The following MECOM variants were observed in gnomAD, a reference collection of about 807,000 sequenced individuals.
The protein encoded by MECOM is MDS1 and EVI1 complex locus.
Under a neutral mutation model 116.3 loss-of-function variants are expected in MECOM, and 13 were observed. The observed-to-expected ratio is 0.11, with a 90% CI of 0.07 to 0.18. MECOM has a LOEUF of 0.18. Among genes scored for constraint, MECOM ranks in the 10% least tolerant of loss-of-function variants. The pLI, the probability that MECOM is intolerant of heterozygous loss-of-function variation, is 1.00. For synonymous variants in MECOM, 528 were observed against 535.2 expected (o/e 0.99, Z 0.19); for missense variants, 1,299 against 1,509.0 (o/e 0.86, Z 2.31).
At chr3:169,213,583 G>A (rs2149480599) in intron 2 of MECOM, among the ~76,000 whole-genome samples, 1 of 152,208 alleles carries the variant, frequency 6.6e-6, no homozygotes, top group East Asian at 1.9e-4. Flanking sequence ...GCCTGAACCA[G>A]TTTTAAAGAT....
At chr3:169,156,280 G>A (rs540381275) in intron 2 of MECOM, among the ~76,000 whole-genome samples, 28 of 152,256 alleles carry the variant, frequency 1.8e-4, no homozygotes, top group Non-Finnish European at 3.2e-4. Context: ...TGGCTTATTC[G>A]ACCAGGCATC....
chr3:169,261,745 A>AGGAGAAGGAGAAAAG (rs1553783512), intron 2 of MECOM, among the ~76,000 whole-genome samples: 459 of 150,338 alleles, frequency 3.1e-3, no homozygotes, highest in African/African-American at 9.7e-3. Flanking sequence ...GAGAAGGAGA[A>AGGAGAAGGAGAAAAG]AAGAAGAAGA....
At chr3:169,568,709 G>A (rs1342867539) in intron 1 of MECOM, among the ~76,000 whole-genome samples, 1 of 152,150 alleles carries the variant, frequency 6.6e-6, no homozygotes, top group African/African-American at 2.4e-5. Context: ...AATAAAAGCA[G>A]CAGCCCCAGT....
At chr3:169,193,649 G>T (rs140227219) in intron 2 of MECOM, among the ~76,000 whole-genome samples, 1 of 151,770 alleles carries the variant, frequency 6.6e-6, no homozygotes, top group East Asian at 1.9e-4. Flanking sequence ...AACATTTAAA[G>T]AAAAAATATT....
At chr3:169,593,813 T>A (rs1766727653) in intron 1 of MECOM, among the ~76,000 whole-genome samples, 1 of 152,080 alleles carries the variant, frequency 6.6e-6, no homozygotes, top group Non-Finnish European at 1.5e-5. Context: ...ATTTGCTTAT[T>A]CTTCATTCAA....
At chr3:169,386,153 T>A (rs145890997) in intron 1 of MECOM, among the ~76,000 whole-genome samples, 158 of 152,302 alleles carry the variant, frequency 1.0e-3, no homozygotes, top group African/African-American at 3.6e-3. Flanking sequence ...TGTCTTTGAA[T>A]AACTACCATA....
chr3:169,467,739 G>A (rs2108769024), intron 1 of MECOM, among the ~76,000 whole-genome samples: 3 of 152,250 alleles, frequency 2.0e-5, no homozygotes, highest in Admixed American at 2.0e-4. Context: ...GAGGTTGTAA[G>A]TCTAGTTAAT....
intron 1 of MECOM, among the ~76,000 whole-genome samples, chr3:169,568,689 A>T (rs918764132): frequency 2.6e-5 from 4 of 152,218 alleles, no homozygotes; most frequent in African/African-American, 4.8e-5. Context: ...TCTGGGCAGA[A>T]CATCTCTGAA....
chr3:169,496,041 C>T (rs1167937050), intron 1 of MECOM, among the ~76,000 whole-genome samples: 1 of 152,186 alleles, frequency 6.6e-6, no homozygotes, highest in African/African-American at 2.4e-5. Context: ...CAAATGAGGA[C>T]ATGCAAAGCT....
At chr3:169,100,791 AATT>A (rs1391896185) in intron 12 of MECOM, 91 bp downstream of exon 12, 4 of 713,668 alleles carry the variant, frequency 5.6e-6, no homozygotes, top group Admixed American at 4.6e-5. Context: ...TTTAAACTTT[AATT>A]ATTATAAACT....
chr3:169,114,801 C>T (rs891749827), intron 8 of MECOM, among the ~76,000 whole-genome samples: 9 of 152,036 alleles, frequency 5.9e-5, no homozygotes, highest in Admixed American at 3.3e-4. Flanking sequence ...CAAAGGAAAC[C>T]GGATAATGAA....
chr3:169,223,279 TCCCCCC>T (rs1752342814), intron 2 of MECOM, among the ~76,000 whole-genome samples: 1 of 35,900 alleles, frequency 2.8e-5, no homozygotes, highest in East Asian at 1.2e-3. Flanking sequence ...CCCTCCCCCC[TCCCCCC>T]TCCCCCCACC....
chr3:169,399,373 C>G (rs187814489), intron 1 of MECOM, among the ~76,000 whole-genome samples: 1 of 152,174 alleles, frequency 6.6e-6, no homozygotes, highest in Non-Finnish European at 1.5e-5. Flanking sequence ...TCATTGCCAC[C>G]ACGGGAAGAG....
intron 2 of MECOM, among the ~76,000 whole-genome samples, chr3:169,167,012 A>G (rs942178082): frequency 6.6e-6 from 1 of 152,230 alleles, no homozygotes; most frequent in Non-Finnish European, 1.5e-5. Flanking sequence ...TAAATTTGCC[A>G]GAGACAGGCT....
At position 169,302,644 on chromosome 3, in the gene MECOM, C is replaced by T. The variant is rs577107376; in HGVS notation, c.375+78543G>A. On this transcript the variant is annotated intron_variant, in intron 2 of 16. Coordinates refer to ENST00000651503, the MANE Select transcript of MECOM (RefSeq NM_004991.4). Reference sequence around the variant, plus strand: ...CTTTGGGAGGCCGAGGCCGGTGGATCACTGAGGTCATGAGTTCAAGACCAG... The same window carrying T: ...CTTTGGGAGGCCGAGGCCGGTGGATTACTGAGGTCATGAGTTCAAGACCAG... 1.4e-4 allele frequency among the ~76,000 whole-genome samples: 22 copies of T among 152,144 alleles called. No individual in the cohort carries two copies. The South Asian group carries it at 2.3e-3, about 16-fold the overall frequency.
At chr3:169,336,058 C>G (rs761682261) in intron 2 of MECOM, among the ~76,000 whole-genome samples, 5 of 152,038 alleles carry the variant, frequency 3.3e-5, no homozygotes, top group Non-Finnish European at 7.4e-5. Context: ...AAATGGCTTT[C>G]TGGATTCATC....
At chr3:169,562,442 G>A (rs1384334224) in intron 1 of MECOM, among the ~76,000 whole-genome samples, 1 of 152,104 alleles carries the variant, frequency 6.6e-6, no homozygotes, top group Non-Finnish European at 1.5e-5. Context: ...ATATTTGGCT[G>A]GGGAAGTGGG....
At chr3:169,121,355 C>A in intron 6 of MECOM, 146 bp from the exon 7 acceptor site, 1 of 760,068 alleles carries the variant, frequency 1.3e-6, no homozygotes, top group Non-Finnish European at 2.0e-6. Flanking sequence ...CTCTAATTTC[C>A]AAAATGTACT....
chr3:169,602,606 C>A (rs1276373114), intron 1 of MECOM, among the ~76,000 whole-genome samples: 3 of 152,102 alleles, frequency 2.0e-5, no homozygotes, highest in African/African-American at 7.2e-5. Flanking sequence ...CTTGTGACAA[C>A]CAAAAATGTC....
Sources: allele counts gnomAD v4.1 joint callset (sites outside exome capture counted in the v4.1 genomes callset), GRCh38; gene constraint gnomAD v4.1.1; transcripts MANE v1.5; gene names NCBI Gene and HGNC (gene_info 2026-07-23, HGNC 2026-07-21).